The following CCNB3 variants were observed in gnomAD, a reference collection of about 807,000 sequenced individuals.
CCNB3 encodes the protein cyclin B3, also known as G2/mitotic-specific cyclin-B3.
A neutral mutation model predicts 68.0 loss-of-function variants in CCNB3; 12 were observed. The observed-to-expected ratio is 0.18, with a 90% confidence interval of 0.11 to 0.29. The LOEUF (loss-of-function observed/expected upper bound fraction) is 0.29. Among genes scored for constraint, CCNB3 ranks in the 10% least tolerant of loss-of-function variants. The pLI, the probability that CCNB3 is intolerant of heterozygous loss-of-function variation, is 1.00. For synonymous variants in CCNB3, 354 were observed against 388.9 expected, an observed-to-expected ratio of 0.91 and a Z score of 1.06; for missense variants, 904 against 993.1, an observed-to-expected ratio of 0.91 and a Z score of 1.21.
chrX:50,321,164 ATGTCAT>A (rs1488593368), intron 8 of CCNB3, among the ~76,000 whole-genome samples: 1 of 111,945 alleles, frequency 8.9e-6, no homozygotes, highest in Non-Finnish European at 1.9e-5. Flanking sequence ...TCCTTCTGAA[ATGTCAT>A]GACCATTTAT....
rs1403398727 is a variant in CCNB3 at position 50,314,086 on chromosome X, T to C, written c.3516+138T>C. On this transcript the variant is annotated intron_variant, in intron 8 of 12. Coordinates refer to ENST00000376042, the MANE Select transcript of CCNB3 (RefSeq NM_033031.3). ...GTTCCTGCCCTCAAGGAGCTCATGA[T>C]TTAGGAGGCAAGATAAGATATGCAG... The C allele has an allele frequency of 9.2e-6, 4 of 436,649 alleles. No homozygotes were observed. The Admixed American group carries it at 1.6e-4, about 18-fold the overall frequency. 36.0% of individuals were successfully genotyped at this position (436,649 alleles called of 1,213,427 possible). A position where few individuals can be genotyped will look rare whatever the true frequency, so the allele number is the denominator to read the frequency against.
chrX:50,310,905 G>T lies in CCNB3; in HGVS notation c.2736G>T (p.Lys912Asn), dbSNP rs1921401760. Residue 912 changes from lysine (K) to asparagine (N), a missense_variant, in exon 6 of 13, where the codon AAG (lysine) becomes AAT (asparagine). Physicochemically the swap from Lys to Asn is moderately conservative, Grantham distance 94. Around this residue, in one of 2 missense-constraint regions of CCNB3, gnomAD observed 285 missense variants for 383.4 expected, o/e 0.74. Transcript: ENST00000376042. ...TTAAGAAAGAGACCCTCCTCAAAAA[G>T]CCATTAGCCTTGAAGATGTCTACCA... ...PSIKKETLLKKPLALKMSTIN... is the reference protein window; with the variant it reads ...PSIKKETLLKNPLALKMSTIN... The T allele has an allele frequency of 1.7e-6, 2 of 1,210,503 alleles. No homozygotes were observed. Among genetic ancestry groups the T allele is most frequent in the African/African-American group, 3.5e-5 (2 of 57,364 alleles).
In CCNB3 at chrX:50,347,658, G is replaced by T; in HGVS notation, c.3843G>T (p.Leu1281Phe). 8.3e-7 allele frequency: 1 copy of T among 1,210,512 alleles called. No individual in the cohort carries two copies. Among genetic ancestry groups the T allele is most frequent in the Non-Finnish European group, 1.1e-6 (1 of 895,110 alleles). Reference sequence around the variant, plus strand: ...ACACCAACATGAAGACACTGACCTTGTCCCGCTACATCTGCGAGATGACCC... The same window carrying T: ...ACACCAACATGAAGACACTGACCTTTTCCCGCTACATCTGCGAGATGACCC... ...CIHTNMKTLT[L>F]SRYICEMTLQ... Residue 1281 changes from leucine (L) to phenylalanine (F), a missense_variant, in exon 11 of 13, where the codon TTG becomes TTT. Physicochemically the swap from Leu to Phe is conservative, Grantham distance 22. Transcript: ENST00000376042.
chrX:50,311,124 A>G lies in CCNB3; in HGVS notation c.2955A>G (p.Ile985Met). The G allele has an allele frequency of 8.3e-7, 1 of 1,209,576 alleles. No individual in the cohort carries two copies. The highest frequency in any genetic ancestry group is 1.1e-6 in the Non-Finnish European group (1 of 895,027). ...PNVSSTAPESITSKSSIATMT... is the reference protein window; with the variant it reads ...PNVSSTAPESMTSKSSIATMT... ...TGTCTAGCACTGCCCCTGAATCCAT[A>G]ACCAGCAAGTCCAGCATTGCTACCA... Residue 985 changes from isoleucine to methionine, a missense_variant, in exon 6 of 13, where the codon ATA becomes ATG. By Grantham distance (10) the Ile-to-Met change is conservative. This residue lies in a region of CCNB3 where 285 missense variants were observed against 383.4 expected (regional missense o/e 0.74). Transcript: ENST00000376042.
intron 8 of CCNB3, among the ~76,000 whole-genome samples, chrX:50,335,968 G>T (rs1013872941): frequency 9.0e-6 from 1 of 111,267 alleles, no homozygotes; most frequent in African/African-American, 3.3e-5. Context: ...AACTCCTGTT[G>T]CTCTGATTAT....
intron 1 of CCNB3, among the ~76,000 whole-genome samples, chrX:50,218,555 G>C (rs1354737614): frequency 9.0e-6 from 1 of 111,567 alleles, no homozygotes; most frequent in Non-Finnish European, 1.9e-5. Context: ...TCCTGTGTTA[G>C]TTTGCCTAGA....
intron 4 of CCNB3, among the ~76,000 whole-genome samples, chrX:50,292,804 A>G (rs12014352): frequency 0.11 from 12,338 of 110,497 alleles, 1,774 homozygotes; most frequent in African/African-American, 0.39. Flanking sequence ...CTTGTGACAC[A>G]CTCTCATAAT....
chrX:50,204,693 C>A (rs995944270), upstream of CCNB3: 11 of 103,620 alleles, frequency 1.1e-4, no homozygotes, highest in African/African-American at 3.5e-4. Flanking sequence ...GATTCGTGAT[C>A]TCCCCCTGCT....
At position 50,293,474 on chromosome X, in the gene CCNB3, A is replaced by G. The variant is rs782186754; in HGVS notation, c.205-1389A>G. On this transcript the variant is annotated intron_variant, in intron 4 of 12. Coordinates refer to ENST00000376042, the MANE Select transcript of CCNB3 (RefSeq NM_033031.3). ...CATGATGTTAGGTTGTCTATTTGAG[A>G]TCTTTCTAGCTTTTTGATGTGGGCA... Among the ~76,000 whole-genome samples, 5 of 110,789 alleles carry G rather than the reference A, an allele frequency of 4.5e-5. No individual in the cohort carries two copies. In the South Asian group the frequency reaches 1.9e-3, roughly 42 times the overall value.
chrX:50,226,350 TA>T (rs1337671613), intron 1 of CCNB3, among the ~76,000 whole-genome samples: 4 of 48,600 alleles, frequency 8.2e-5, no homozygotes, highest in East Asian at 6.3e-4. Context: ...AGAATATATA[TA>T]AAAATATGTA....
chrX:50,320,748 G>T (rs1280986940), intron 8 of CCNB3, among the ~76,000 whole-genome samples: 2 of 110,194 alleles, frequency 1.8e-5, no homozygotes, highest in Admixed American at 1.9e-4. Flanking sequence ...TATAATTGTG[G>T]ATTTGTCTAT....
chrX:50,347,872 G>C (rs2147105880), intron 11 of CCNB3, 97 bp downstream of exon 11: 1 of 896,784 alleles, frequency 1.1e-6, no homozygotes, highest in South Asian at 2.8e-5. Context: ...GGAAACTCTT[G>C]GGGACAAAAC....
chrX:50,304,320 C>G (rs1353680814), intron 5 of CCNB3, among the ~76,000 whole-genome samples: 1 of 111,273 alleles, frequency 9.0e-6, no homozygotes, highest in Non-Finnish European at 1.9e-5. Context: ...TTTTGGGTTC[C>G]TTGCAATTCT....
chrX:50,317,947 T>G, intron 8 of CCNB3, among the ~76,000 whole-genome samples: 1 of 111,481 alleles, frequency 9.0e-6, no homozygotes, highest in African/African-American at 3.3e-5. Context: ...AGTTAATTTT[T>G]GTATAAGGTG....
chrX:50,281,410 T>C (rs1193699911), intron 1 of CCNB3, among the ~76,000 whole-genome samples: 1 of 110,555 alleles, frequency 9.0e-6, no homozygotes, highest in Non-Finnish European at 1.9e-5. Flanking sequence ...GCGTCGATGG[T>C]CTTTGCTGTC....
intron 1 of CCNB3, among the ~76,000 whole-genome samples, chrX:50,279,735 A>G (rs929466161): frequency 0.023 from 2,057 of 90,553 alleles, 60 homozygotes; most frequent in African/African-American, 0.079. Flanking sequence ...AATATATATG[A>G]TTATGTATAT....
intron 1 of CCNB3, among the ~76,000 whole-genome samples, chrX:50,205,334 C>T (rs1247938768): frequency 1.8e-5 from 2 of 111,056 alleles, no homozygotes; most frequent in African/African-American, 3.3e-5. Context: ...CCCAGCTACT[C>T]GGGAGGCTGA....
chrX:50,342,274 G>A lies in CCNB3; in HGVS notation c.3589G>A (p.Val1197Ile), dbSNP rs1602250309. 1 of 1,209,000 alleles carries A rather than the reference G, an allele frequency of 8.3e-7. No individual in the cohort carries two copies. Among genetic ancestry groups the A allele is most frequent in the Non-Finnish European group, 1.1e-6 (1 of 894,151 alleles). The change falls in exon 9 of 13, where the codon GTA becomes ATA. Residue 1197 changes from valine (V) to isoleucine (I), a missense_variant. Val to Ile is a conservative substitution (Grantham distance 29, BLOSUM62 3). Coordinates refer to ENST00000376042, the MANE Select transcript of CCNB3 (RefSeq NM_033031.3). ...GGTGGATCTCTACCTAATGAAGGCA[G>A]TATGCAAGAAGGATAAGTTACAACT... ...KLVDLYLMKAVCKKDKLQLLG... is the reference protein window; with the variant it reads ...KLVDLYLMKAICKKDKLQLLG...
rs1204897029 is a variant in CCNB3, at chrX:50,228,031, TATAG to T, written c.-113+23083_-113+23086del. 5.8e-5 allele frequency among the ~76,000 whole-genome samples: 5 copies of T among 86,839 alleles called. No individual in the cohort carries two copies. The East Asian group carries it at 1.3e-3, about 23-fold the overall frequency. The allele number at this position is 86,839 out of a possible 115,157, so 75.4% of individuals were successfully genotyped here. ...TATATAAATATATAGAGAGAATATA[TATAG>T]AGAGAATATATATATAAATATATGG... On this transcript the variant is annotated intron_variant, in intron 1 of 12. Coordinates refer to ENST00000376042, the MANE Select transcript of CCNB3 (RefSeq NM_033031.3).
Sources: gnomAD v4.1 joint callset for allele counts (sites outside exome capture counted in the v4.1 genomes callset) on GRCh38, gnomAD v4.1.1 for gene constraint, gnomAD v4.1.1 regional missense constraint, MANE v1.5 for transcripts, NCBI Gene and HGNC (gene_info 2026-07-23, HGNC 2026-07-21) for gene names.